STRADA: variants seen among roughly 807,000 people sequenced by gnomAD.
STRADA encodes the protein STE20-related kinase adapter protein alpha.
Under a neutral mutation model 55.0 loss-of-function variants are expected in STRADA, and 26 were observed. The observed-to-expected ratio is 0.47, with a 90% confidence interval of 0.35 to 0.66. The LOEUF is 0.66. STRADA is among the 30% of genes least tolerant of loss of function. The pLI, the probability that STRADA is intolerant of heterozygous loss-of-function variation, is 0.01. For missense variants in STRADA, 443 were observed against 549.7 expected (o/e 0.81, Z 1.94); for synonymous variants, 197 against 210.9 (o/e 0.93, Z 0.57).
At chr17:63,707,604 G>T in intron 8 of STRADA, 186 bp from the exon 9 acceptor site, 1 of 591,702 alleles carries the variant, frequency 1.7e-6, no homozygotes, top group Non-Finnish European at 2.9e-6. Context: ...TCTGTCACCC[G>T]GCTAGAGTGC....
chr17:63,707,284 T>C lies in STRADA; in HGVS notation c.716A>G (p.Lys239Arg). 6.2e-7 allele frequency: 1 copy of C among 1,614,208 alleles called. No homozygotes were observed. Among genetic ancestry groups the C allele is most frequent in the Non-Finnish European group, 8.5e-7 (1 of 1,180,036 alleles). Residue 239 changes from lysine to arginine, a missense_variant, in exon 9 of 13, where the codon AAG becomes AGG. Lys to Arg is a conservative substitution (Grantham distance 26). Transcript: ENST00000336174. ...VVHDFPKYSV[K>R]VLPWLSPEVL... ...CTCGGGGCTGAGCCACGGCAGAACC[T>C]TGACACTGTACTTGGGAAAATCGTG...
At chr17:63,704,307 C>T (rs1181509402) in intron 11 of STRADA, 34 bp downstream of exon 11, 1 of 1,608,832 alleles carries the variant, frequency 6.2e-7, no homozygotes, top group Non-Finnish European at 8.5e-7. Context: ...ACCCTCTGCT[C>T]TCCCGAAGCC....
intron 8 of STRADA, among the ~76,000 whole-genome samples, chr17:63,708,998 A>G (rs1174247540): frequency 1.3e-5 from 2 of 152,012 alleles, no homozygotes; most frequent in African/African-American, 2.4e-5. Context: ...TGTACCTTTC[A>G]TCTTTTCTTC....
rs147507746 is a variant in STRADA at position 63,722,400 on chromosome 17, A to G, written c.123+898T>C. Among the ~76,000 whole-genome samples the G allele has an allele frequency of 6.2e-3, 944 of 152,364 alleles. 7 individuals are homozygous for G. The highest frequency in any genetic ancestry group is 0.01 in the Non-Finnish European group (686 of 68,034). ...CTTTTGATATAACATCAGCAGCTGT[A>G]AAAATATAAAAATCCTATGTAATTG... On this transcript the variant is annotated intron_variant, in intron 4 of 12. Coordinates refer to ENST00000336174, the MANE Select transcript of STRADA (RefSeq NM_001003787.4).
intron 10 of STRADA, chr17:63,705,041 G>A (rs915717109): frequency 5.3e-5 from 47 of 893,830 alleles, no homozygotes; most frequent in Admixed American, 3.3e-4. Context: ...CAGGCCACAC[G>A]GGAGCAAGAT....
chr17:63,734,190 A>G (rs1289220749), intron 1 of STRADA, among the ~76,000 whole-genome samples: 1 of 152,220 alleles, frequency 6.6e-6, no homozygotes, highest in East Asian at 1.9e-4. Flanking sequence ...ATTTGCCTCC[A>G]ATAAAATTAT....
rs772678545 is a variant in STRADA at position 63,713,453 on chromosome 17, T to C, written c.301A>G (p.Arg101Gly). ...TTGGAACAAGCTTCTAGGTTAATCC[T>C]CCGTACAGTCACGTACTCTCCTGTT... The part of the protein sequence containing the change: ...KPTGEYVTVR[R>G]INLEACSNEM... The change falls in exon 6 of 13, where the codon AGG (arginine) becomes GGG (glycine). Residue 101 changes from arginine (R) to glycine (G), a missense_variant. Physicochemically the swap from Arg to Gly is moderately radical, Grantham distance 125. Coordinates refer to ENST00000336174, the MANE Select transcript of STRADA (RefSeq NM_001003787.4). 6.2e-7 allele frequency: 1 copy of C among 1,614,192 alleles called. No homozygotes were observed. Among genetic ancestry groups the C allele is most frequent in the South Asian group, 1.1e-5 (1 of 91,078 alleles).
At position 63,714,066 on chromosome 17, in the gene STRADA, G is replaced by A; in HGVS notation, c.166C>T (p.Gln56Ter). 2 of 1,610,532 alleles carry A rather than the reference G, an allele frequency of 1.2e-6. No homozygotes were observed. Among genetic ancestry groups the A allele is most frequent in the East Asian group, 2.2e-5 (1 of 44,670 alleles). The change falls in exon 5 of 13, where the codon CAG becomes TAG. Residue 56 changes from glutamine to a stop codon, truncating the protein, a stop_gained. Transcript: ENST00000336174. LOFTEE classifies it high-confidence loss of function. Reference sequence around the variant, plus strand: ...GGCAGAAAGCTACTCATGACCTCCTGTTTAGAGAAGGATGCTATTGACTCT... The same window carrying A: ...GGCAGAAAGCTACTCATGACCTCCTATTTAGAGAAGGATGCTATTGACTCT... The part of the protein sequence containing the change: ...SSESIASFSK[Q>*]EVMSSFLPEG...
In STRADA at chr17:63,710,829, A is replaced by T; in HGVS notation, c.356T>A (p.Leu119Gln). 2 of 1,614,200 alleles carry T rather than the reference A, an allele frequency of 1.2e-6. No individual in the cohort carries two copies. ...NEMVTFLQGE[L>Q]HVSKLFNHPN... The stretch of plus-strand genomic sequence containing the variant: ...ATGGTTGAAGAGTTTGGAGACATGC[A>T]GCTCGCCCTGGAAGCAATGATGAAG... The change falls in exon 7 of 13, where the codon CTG (leucine) becomes CAG (glutamine). Residue 119 changes from leucine to glutamine, a missense_variant. By Grantham distance (113) the Leu-to-Gln change is moderately radical. Transcript: ENST00000336174.
rs200792064 is a variant in STRADA at position 63,734,636 on chromosome 17, C to CA, written c.-44-6224dup. 8.7e-3 allele frequency among the ~76,000 whole-genome samples: 1,292 copies of CA among 148,568 alleles called. 10 individuals carry two copies. The highest frequency in any genetic ancestry group is 0.01 in the African/African-American group (421 of 40,400). On this transcript the variant is annotated intron_variant, in intron 1 of 12. Coordinates refer to ENST00000336174, the MANE Select transcript of STRADA (RefSeq NM_001003787.4). ...TGGATGACAGAGTGAGACCCTGTCT[C>CA]AAAAAAAAAGAAAAAAGAATCAGGG...
At chr17:63,712,993 TC>T (rs1302265890) in intron 6 of STRADA, among the ~76,000 whole-genome samples, 1 of 113,654 alleles carries the variant, frequency 8.8e-6, no homozygotes, top group Non-Finnish European at 1.7e-5. Context: ...AGAGTGAGAA[TC>T]CGTCTCAAAA....
chr17:63,730,809 C>T (rs1004884102), intron 1 of STRADA, among the ~76,000 whole-genome samples: 3 of 151,976 alleles, frequency 2.0e-5, no homozygotes, highest in Admixed American at 2.0e-4. Context: ...GATCCACCCA[C>T]CTTAGGCTCC....
rs1474017095 is a variant in STRADA at position 63,703,112 on chromosome 17, T to C, written c.*487A>G. ...TTAAAAAGACAGAAATGCCCTTCTC[T>C]GGAATTATGAGGGAGAGGTCTGAGG... On this transcript the variant is annotated 3_prime_UTR_variant, in exon 13 of 13. Coordinates refer to ENST00000336174, the MANE Select transcript of STRADA (RefSeq NM_001003787.4). 6.3e-6 allele frequency: 1 copy of C among 158,852 alleles called. No homozygotes were observed. The highest frequency in any genetic ancestry group is 2.4e-5 in the African/African-American group (1 of 41,442). 9.8% of individuals were successfully genotyped at this position (158,852 alleles called of 1,614,324 possible). A position where few individuals can be genotyped will look rare whatever the true frequency, so the allele number is the denominator to read the frequency against.
intron 1 of STRADA, among the ~76,000 whole-genome samples, chr17:63,733,132 C>T (rs539451901): frequency 3.9e-5 from 6 of 152,278 alleles, no homozygotes; most frequent in East Asian, 1.9e-4. Context: ...TCAGGTGATC[C>T]GCCCACCTCG....
rs747075216 is a variant in STRADA at position 63,710,719 on chromosome 17, C to A, written c.457+9G>T. The A allele has an allele frequency of 8.1e-6, 13 of 1,614,016 alleles. No homozygotes were observed. The highest frequency in any genetic ancestry group is 1.3e-5 in the African/African-American group (1 of 74,922). On this transcript the variant is annotated intron_variant, in intron 7 of 12. Transcript: ENST00000336174. ...AACCCCTTTCTACCAAGAACCCTTT[C>A]CCACTCACCGTATGCCATGAATGAT...
At chr17:63,724,089 A>G (rs569345890) in intron 3 of STRADA, 46 of 152,214 alleles carry the variant, frequency 3.0e-4, no homozygotes, top group African/African-American at 1.1e-3. Flanking sequence ...TAAACTACAA[A>G]ATCAGAAAAG....
At chr17:63,703,961 G>T in intron 12 of STRADA, 44 bp downstream of exon 12, 1 of 1,601,192 alleles carries the variant, frequency 6.2e-7, no homozygotes, top group South Asian at 1.1e-5. Context: ...TGAGTTGTTA[G>T]AACCAGAACT....
At chr17:63,730,753 G>A (rs2037982310) in intron 1 of STRADA, among the ~76,000 whole-genome samples, 1 of 151,948 alleles carries the variant, frequency 6.6e-6, no homozygotes, top group South Asian at 2.1e-4. Flanking sequence ...TAGAGACAGG[G>A]TTTCACTATG....
intron 2 of STRADA, 124 bp from the exon 3 acceptor site, chr17:63,726,819 A>G (rs1002921713): frequency 1.1e-6 from 1 of 899,064 alleles, no homozygotes; most frequent in Non-Finnish European, 1.7e-6. Context: ...ACAGTTAGGA[A>G]TCATTTCTAT....
Sources: gnomAD v4.1 joint callset for allele counts (sites outside exome capture counted in the v4.1 genomes callset) on GRCh38, gnomAD v4.1.1 for gene constraint, MANE v1.5 for transcripts, NCBI Gene and HGNC (gene_info 2026-07-23, HGNC 2026-07-21) for gene names.